The following CASD1 variants were observed in gnomAD, a reference collection of about 807,000 sequenced individuals.
The protein encoded by CASD1 is N-acetylneuraminate (7)9-O-acetyltransferase.
CASD1 carries 41 observed loss-of-function variants against 100.0 expected under a neutral mutation model. The ratio of observed to expected loss-of-function variants is 0.41; its 90% CI spans 0.32 to 0.53. CASD1 has a LOEUF of 0.53. CASD1 is among the 20% of genes least tolerant of loss of function. The pLI, the probability that CASD1 is intolerant of heterozygous loss-of-function variation, is 0.25. For synonymous variants in CASD1, 321 were observed against 315.6 expected (o/e 1.02, Z -0.18); for missense variants, 774 against 948.7 (o/e 0.82, Z 2.42).
the CASD1 span, chr7:94,599,632 G>A: frequency 2.9e-5 from 36 of 1,224,802 alleles, no homozygotes; most frequent in Non-Finnish European, 3.6e-5. Context: ...CATGTATGGA[G>A]CATGATGGGC....
chr7:94,517,008 A>G (rs1255799525), intron 1 of CASD1, among the ~76,000 whole-genome samples: 1 of 151,838 alleles, frequency 6.6e-6, no homozygotes, highest in Non-Finnish European at 1.5e-5. Context: ...GGTTAAAGCA[A>G]TTCTCATGTC....
chr7:94,520,186 A>G (rs1010954742), intron 3 of CASD1, among the ~76,000 whole-genome samples: 3 of 152,208 alleles, frequency 2.0e-5, no homozygotes, highest in Non-Finnish European at 4.4e-5. Flanking sequence ...TTGCCAAATT[A>G]TGTGTTACCT....
At chr7:94,512,205 G>T (rs1365175083) in intron 1 of CASD1, among the ~76,000 whole-genome samples, 1 of 152,116 alleles carries the variant, frequency 6.6e-6, no homozygotes, top group Non-Finnish European at 1.5e-5. Flanking sequence ...GGAAGAAGAA[G>T]AACTGTCTTT....
At chr7:94,533,503 C>T (rs564703745) in intron 6 of CASD1, among the ~76,000 whole-genome samples, 176 bp from the exon 7 acceptor site, 1 of 152,152 alleles carries the variant, frequency 6.6e-6, no homozygotes, top group South Asian at 2.1e-4. Flanking sequence ...AGTTTTATAA[C>T]AGCTTTTTCT....
At chr7:94,584,188 G>A in the CASD1 span, among the ~76,000 whole-genome samples, 2 of 152,202 alleles carry the variant, frequency 1.3e-5, no homozygotes, top group East Asian at 1.9e-4. Context: ...ATGATATGTC[G>A]ATTGTGCATT....
At chr7:94,615,424 A>AG in the CASD1 span, among the ~76,000 whole-genome samples, 17 of 131,808 alleles carry the variant, frequency 1.3e-4, no homozygotes, top group Non-Finnish European at 2.3e-4. Context: ...ATAGATAGAT[A>AG]AAGGGCAATT....
intron 14 of CASD1, among the ~76,000 whole-genome samples, 167 bp from the exon 15 acceptor site, chr7:94,551,171 C>T (rs1795927593): frequency 6.6e-6 from 1 of 152,114 alleles, no homozygotes; most frequent in African/African-American, 2.4e-5. Context: ...CAATCATCGG[C>T]TTTATTTCAT....
At chr7:94,629,957 A>G in the CASD1 span, 6 of 1,183,424 alleles carry the variant, frequency 5.1e-6, no homozygotes, top group Admixed American at 1.3e-4. Flanking sequence ...TTTCTGGAAA[A>G]ACTGAAGCAA....
chr7:94,533,719 C>T lies in CASD1; in HGVS notation c.545C>T (p.Ser182Phe). ...CACAATGGTAGCAGTGAAGCGCTTT[C>T]TCAATATAAAATGAACATCACCTCC... ...KIHNGSSEAL[S>F]QYKMNITSIA... is the part of the protein sequence containing the mutation. Residue 182 changes from serine to phenylalanine, a missense_variant, in exon 7 of 18, where the codon TCT (serine) becomes TTT (phenylalanine). Around this residue, in one of 5 missense-constraint regions of CASD1, gnomAD observed 453 missense variants for 532.6 expected, o/e 0.85. Coordinates refer to ENST00000297273, the MANE Select transcript of CASD1 (RefSeq NM_022900.5). 1 of 1,605,928 alleles carries T rather than the reference C, an allele frequency of 6.2e-7. No homozygotes were observed. Among genetic ancestry groups the T allele is most frequent in the African/African-American group, 1.3e-5 (1 of 74,676 alleles).
chr7:94,510,061 C>A lies in CASD1; in HGVS notation c.-24C>A. ...GGCGCCCCTTTCCCGCTCCGCCGCG[C>A]ACTGTTGTCATGGAGGAACCAAGAT... is the stretch of plus-strand genomic sequence containing the variant. On this transcript the variant is annotated 5_prime_UTR_variant, in exon 1 of 18. Transcript: ENST00000297273. The A allele has an allele frequency of 2.0e-6, 3 of 1,493,730 alleles. No homozygotes were observed. The highest frequency in any genetic ancestry group is 2.7e-6 in the Non-Finnish European group (3 of 1,116,866). 92.5% of individuals were successfully genotyped at this position (1,493,730 alleles called of 1,614,324 possible).
At chr7:94,524,713 C>T (rs979975858) in intron 3 of CASD1, among the ~76,000 whole-genome samples, 1 of 151,940 alleles carries the variant, frequency 6.6e-6, no homozygotes, top group Non-Finnish European at 1.5e-5. Flanking sequence ...TAGATAGTAA[C>T]GTATTTTATC....
chr7:94,521,772 G>A (rs1794289666), intron 3 of CASD1, among the ~76,000 whole-genome samples: 1 of 152,082 alleles, frequency 6.6e-6, no homozygotes, highest in Non-Finnish European at 1.5e-5. Context: ...CATATATGTG[G>A]CAGGGATAGA....
chr7:94,510,296 C>T, intron 1 of CASD1, 79 bp downstream of exon 1: 1 of 1,085,732 alleles, frequency 9.2e-7, no homozygotes, highest in Non-Finnish European at 1.2e-6. Flanking sequence ...CCCCATCGCC[C>T]AACACACGCC....
At chr7:94,569,470 A>T in the CASD1 span, among the ~76,000 whole-genome samples, 1 of 152,152 alleles carries the variant, frequency 6.6e-6, no homozygotes, top group Non-Finnish European at 1.5e-5. Context: ...TTTTGTTTTT[A>T]AAAAGACAGG....
chr7:94,575,781 C>G, the CASD1 span, among the ~76,000 whole-genome samples: 1 of 152,072 alleles, frequency 6.6e-6, no homozygotes, highest in African/African-American at 2.4e-5. Flanking sequence ...TTTTTTCTCC[C>G]AAGGACTTTG....
At chr7:94,622,891 A>T in the CASD1 span, among the ~76,000 whole-genome samples, 5 of 152,154 alleles carry the variant, frequency 3.3e-5, no homozygotes, top group Admixed American at 2.6e-4. Flanking sequence ...ATATTATCAC[A>T]TATACTTAGA....
At chr7:94,548,151 A>G (rs1014393070) in intron 13 of CASD1, among the ~76,000 whole-genome samples, 3 of 151,860 alleles carry the variant, frequency 2.0e-5, no homozygotes, top group Admixed American at 2.0e-4. Flanking sequence ...CTGCTGAGGG[A>G]AAGAAAGAAA....
intron 13 of CASD1, among the ~76,000 whole-genome samples, chr7:94,547,999 G>A (rs1041115344): frequency 1.3e-5 from 2 of 151,270 alleles, no homozygotes; most frequent in East Asian, 1.9e-4. Flanking sequence ...AGTCTTTAAA[G>A]CACTACTATT....
chr7:94,628,355 C>G, the CASD1 span: 1 of 1,607,766 alleles, frequency 6.2e-7, no homozygotes, highest in African/African-American at 1.3e-5. Flanking sequence ...CATTACTAAT[C>G]TCGCCTAGAT....
Sources: allele counts gnomAD v4.1 joint callset (sites outside exome capture counted in the v4.1 genomes callset), GRCh38; gene constraint gnomAD v4.1.1; regional missense constraint gnomAD v4.1.1; transcripts MANE v1.5; gene names NCBI Gene and HGNC (gene_info 2026-07-23, HGNC 2026-07-21).